HS3ST3A1: variants seen among roughly 807,000 people sequenced by gnomAD.
HS3ST3A1 encodes the protein heparan sulfate glucosamine 3-O-sulfotransferase 3A1.
Under a neutral mutation model 25.7 loss-of-function variants are expected in HS3ST3A1, and 19 were observed. The observed-to-expected ratio is 0.74, with a 90% confidence interval of 0.52 to 1.08. HS3ST3A1 has a LOEUF of 1.08. HS3ST3A1 is among the 50% of genes least tolerant of loss of function. The pLI is 0.00. For synonymous variants in HS3ST3A1, 226 were observed against 278.6 expected (o/e 0.81, Z 1.88); for missense variants, 459 against 594.3 (o/e 0.77, Z 2.37).
intron 1 of HS3ST3A1, among the ~76,000 whole-genome samples, chr17:13,568,851 T>G (rs1907736207): frequency 6.6e-6 from 1 of 152,238 alleles, no homozygotes; most frequent in South Asian, 2.1e-4. Flanking sequence ...AGACCAGTTC[T>G]TCTGTTGATT....
chr17:13,548,611 G>C (rs190844163), intron 1 of HS3ST3A1, among the ~76,000 whole-genome samples: 93 of 152,290 alleles, frequency 6.1e-4, no homozygotes, highest in Admixed American at 1.6e-3. Flanking sequence ...CACATGTTGA[G>C]AGGTGAAGCT....
At chr17:13,577,186 T>C (rs1395634532) in intron 1 of HS3ST3A1, among the ~76,000 whole-genome samples, 1 of 152,142 alleles carries the variant, frequency 6.6e-6, no homozygotes, top group Non-Finnish European at 1.5e-5. Flanking sequence ...CCAGGTCCCT[T>C]CCATGACACA....
At chr17:13,529,079 A>G (rs1434975445) in intron 1 of HS3ST3A1, among the ~76,000 whole-genome samples, 3 of 152,192 alleles carry the variant, frequency 2.0e-5, no homozygotes, top group Non-Finnish European at 4.4e-5. Context: ...GAGCTGTACA[A>G]AGCAATAAAA....
intron 1 of HS3ST3A1, among the ~76,000 whole-genome samples, chr17:13,579,609 G>A (rs567835456): frequency 6.9e-6 from 1 of 144,154 alleles, no homozygotes; most frequent in South Asian, 2.3e-4. Context: ...GCTGAGGCAG[G>A]AGAATTGGTT....
intron 1 of HS3ST3A1, among the ~76,000 whole-genome samples, chr17:13,505,229 C>T (rs564810206): frequency 1.3e-5 from 2 of 152,216 alleles, no homozygotes; most frequent in African/African-American, 4.8e-5. Flanking sequence ...ATACAGACGA[C>T]GGCTCCAATG....
chr17:13,573,740 A>T (rs1438733644), intron 1 of HS3ST3A1, among the ~76,000 whole-genome samples: 1 of 152,180 alleles, frequency 6.6e-6, no homozygotes, highest in African/African-American at 2.4e-5. Context: ...TCATATGTTG[A>T]AACTGTAATC....
chr17:13,524,542 G>A (rs771855668), intron 1 of HS3ST3A1, among the ~76,000 whole-genome samples: 16 of 152,150 alleles, frequency 1.1e-4, no homozygotes, highest in East Asian at 7.7e-4. Context: ...CATTGAGCCC[G>A]GCTTAAGCAT....
chr17:13,551,307 C>T (rs1639247360), intron 1 of HS3ST3A1, among the ~76,000 whole-genome samples: 1 of 149,354 alleles, frequency 6.7e-6, no homozygotes, highest in Non-Finnish European at 1.5e-5. Flanking sequence ...TGAGATCGGG[C>T]CACTGCACTC....
rs181189528 is a variant in HS3ST3A1 at position 13,528,841 on chromosome 17, G to A, written c.600-32023C>T. Among the ~76,000 whole-genome samples, 658 of 152,012 alleles carry A rather than the reference G, an allele frequency of 4.3e-3. 1 individual carries two copies. Among genetic ancestry groups the A allele is most frequent in the Non-Finnish European group, 6.5e-3 (443 of 67,998 alleles). The stretch of plus-strand genomic sequence containing the variant: ...GAAGAAAATAGGCATTTCAAGCAGC[G>A]GGATGGACACATGCACAAAGGCATG... On this transcript the variant is annotated intron_variant, in intron 1 of 1. Coordinates refer to ENST00000284110, the MANE Select transcript of HS3ST3A1 (RefSeq NM_006042.3).
intron 1 of HS3ST3A1, among the ~76,000 whole-genome samples, chr17:13,526,401 G>T (rs2142325488): frequency 6.8e-6 from 1 of 147,198 alleles, no homozygotes; most frequent in African/African-American, 2.5e-5. Context: ...CATGTCACTG[G>T]GAATTGGGGG....
In HS3ST3A1 at chr17:13,600,864, C is replaced by A. The variant is rs755103345; in HGVS notation, c.266G>T (p.Arg89Leu). 10 of 1,452,596 alleles carry A rather than the reference C, an allele frequency of 6.9e-6. No individual in the cohort carries two copies. In the South Asian group the frequency reaches 1.4e-4, roughly 21 times the overall value. 90.0% of individuals were successfully genotyped at this position (1,452,596 alleles called of 1,614,324 possible). A position where few individuals can be genotyped will look rare whatever the true frequency, so the allele number is the denominator to read the frequency against. ...CCGCCACTGCGGCAGTTGCAGGAGG[C>A]GCTTTCTCTGTGCCGCCGCCGGCCA... ...AVWPAAAQRK[R>L]LLQLPQWRRR... Residue 89 changes from arginine to leucine, a missense_variant, in exon 1 of 2, where the codon CGC (arginine) becomes CTC (leucine). By Grantham distance (102) the Arg-to-Leu change is moderately radical. This residue lies in a region of HS3ST3A1 where 346 missense variants were observed against 303.9 expected (regional missense o/e 1.14). Transcript: ENST00000284110.
chr17:13,519,773 C>T (rs775629268), intron 1 of HS3ST3A1, among the ~76,000 whole-genome samples: 2 of 151,666 alleles, frequency 1.3e-5, no homozygotes, highest in Non-Finnish European at 2.9e-5. Flanking sequence ...TAATCTTTAC[C>T]AAGTCTAGAA....
intron 1 of HS3ST3A1, among the ~76,000 whole-genome samples, chr17:13,575,404 G>T (rs530555154): frequency 6.6e-6 from 1 of 152,168 alleles, no homozygotes; most frequent in Non-Finnish European, 1.5e-5. Flanking sequence ...TAAGATAAAG[G>T]CAGGGGTATG....
chr17:13,571,568 G>C (rs1907812603), intron 1 of HS3ST3A1, among the ~76,000 whole-genome samples: 2 of 152,188 alleles, frequency 1.3e-5, no homozygotes, highest in African/African-American at 4.8e-5. Context: ...TCTCAGGACA[G>C]TCATATCCTC....
intron 1 of HS3ST3A1, among the ~76,000 whole-genome samples, chr17:13,515,905 G>T (rs112363592): frequency 6.6e-6 from 1 of 152,072 alleles, no homozygotes; most frequent in African/African-American, 2.4e-5. Flanking sequence ...GAATGATGTT[G>T]AACGTCTTTT....
intron 1 of HS3ST3A1, among the ~76,000 whole-genome samples, chr17:13,554,555 G>C (rs1162123281): frequency 6.6e-6 from 1 of 152,210 alleles, no homozygotes; most frequent in Non-Finnish European, 1.5e-5. Flanking sequence ...GCTCAAGGCA[G>C]CTCAGTGCAA....
intron 1 of HS3ST3A1, among the ~76,000 whole-genome samples, chr17:13,508,426 C>T (rs575943329): frequency 1.9e-4 from 29 of 152,264 alleles, no homozygotes; most frequent in African/African-American, 7.0e-4. Context: ...AGACAAGGGG[C>T]GAGAGTGTTT....
intron 1 of HS3ST3A1, among the ~76,000 whole-genome samples, chr17:13,509,600 G>C (rs902059005): frequency 2.7e-5 from 4 of 147,856 alleles, no homozygotes; most frequent in African/African-American, 1.1e-4. Context: ...GAGAGACAGA[G>C]AGAGATTGAT....
intron 1 of HS3ST3A1, among the ~76,000 whole-genome samples, chr17:13,542,743 G>T (rs1906971096): frequency 6.6e-6 from 1 of 152,120 alleles, no homozygotes; most frequent in Non-Finnish European, 1.5e-5. Flanking sequence ...TGAGATGACT[G>T]GTGGCTGGGG....
Sources: gnomAD v4.1 joint callset for allele counts (sites outside exome capture counted in the v4.1 genomes callset) on GRCh38, gnomAD v4.1.1 for gene constraint, gnomAD v4.1.1 regional missense constraint, MANE v1.5 for transcripts, NCBI Gene and HGNC (gene_info 2026-07-23, HGNC 2026-07-21) for gene names.